Variants in ZC3H12B observed in about 807,000 individuals in gnomAD.
ZC3H12B encodes zinc finger CCCH-type containing 12B.
ZC3H12B carries 7 observed loss-of-function variants against 43.9 expected under a neutral mutation model. The ratio of observed to expected loss-of-function variants is 0.16; its 90% CI spans 0.09 to 0.30. The LOEUF is 0.30. Ranked by LOEUF, ZC3H12B falls within the 10% of genes least tolerant of loss-of-function variation. ZC3H12B has a pLI of 1.00. For synonymous variants in ZC3H12B, 222 were observed against 241.7 expected (o/e 0.92, Z 0.76); for missense variants, 475 against 670.2 (o/e 0.71, Z 3.22).
the ZC3H12B span, among the ~76,000 whole-genome samples, chrX:65,153,230 A>G: frequency 8.9e-6 from 1 of 112,071 alleles, no homozygotes; most frequent in African/African-American, 3.2e-5. Flanking sequence ...AAAATTGACA[A>G]ATGGGATCTA....
chrX:65,043,280 G>A, the ZC3H12B span, among the ~76,000 whole-genome samples: 1 of 110,273 alleles, frequency 9.1e-6, no homozygotes, highest in Non-Finnish European at 1.9e-5. Flanking sequence ...ACTATATGAA[G>A]ACACATGTAT....
chrX:65,172,194 G>A, the ZC3H12B span, among the ~76,000 whole-genome samples: 7 of 112,371 alleles, frequency 6.2e-5, no homozygotes, highest in South Asian at 7.3e-4. Context: ...CAGTGATGAC[G>A]ATCTTTTTTT....
At chrX:65,127,187 G>A in the ZC3H12B span, among the ~76,000 whole-genome samples, 1 of 111,540 alleles carries the variant, frequency 9.0e-6, no homozygotes, top group African/African-American at 3.3e-5. Context: ...TTTTCCCACA[G>A]GGTGCTCCCT....
chrX:65,040,898 C>T, the ZC3H12B span, among the ~76,000 whole-genome samples: 1 of 111,098 alleles, frequency 9.0e-6, no homozygotes, highest in East Asian at 2.9e-4. Context: ...GATCCTCCCA[C>T]CTCAGCCTCC....
At chrX:65,388,478 G>C (rs192072388) in intron 2 of ZC3H12B, among the ~76,000 whole-genome samples, 2 of 111,980 alleles carry the variant, frequency 1.8e-5, no homozygotes, top group East Asian at 5.6e-4. Flanking sequence ...TCGTGCCTTG[G>C]TATTCAGCTC....
At chrX:65,119,960 T>C in the ZC3H12B span, among the ~76,000 whole-genome samples, 1 of 111,783 alleles carries the variant, frequency 8.9e-6, no homozygotes, top group African/African-American at 3.3e-5. Context: ...TGGTTGTAGA[T>C]AAGTGGCATT....
chrX:65,190,805 A>G, the ZC3H12B span, among the ~76,000 whole-genome samples: 14 of 104,541 alleles, frequency 1.3e-4, no homozygotes, highest in South Asian at 1.7e-3. Flanking sequence ...TCTCCTGCCT[A>G]ATTGCCCTGG....
At chrX:65,343,209 CA>C in the ZC3H12B span, among the ~76,000 whole-genome samples, 2 of 110,697 alleles carry the variant, frequency 1.8e-5, no homozygotes, top group African/African-American at 6.6e-5. Context: ...AAATAAAGCC[CA>C]ATACCATACT....
the ZC3H12B span, among the ~76,000 whole-genome samples, chrX:65,151,855 C>T: frequency 8.9e-6 from 1 of 111,775 alleles, no homozygotes; most frequent in South Asian, 3.8e-4. Flanking sequence ...AAACTGAATT[C>T]AACAGCACAT....
At chrX:65,216,911 C>A in the ZC3H12B span, among the ~76,000 whole-genome samples, 1 of 111,708 alleles carries the variant, frequency 9.0e-6, no homozygotes, top group African/African-American at 3.3e-5. Flanking sequence ...TTACCATGTG[C>A]CGACTAAAAT....
chrX:65,164,007 G>C, the ZC3H12B span, among the ~76,000 whole-genome samples: 2 of 111,623 alleles, frequency 1.8e-5, no homozygotes, highest in African/African-American at 3.3e-5. Context: ...ACTACCTGTC[G>C]TTATAGCCTG....
At chrX:65,288,365 G>T in the ZC3H12B span, among the ~76,000 whole-genome samples, 1 of 111,376 alleles carries the variant, frequency 9.0e-6, no homozygotes, top group Non-Finnish European at 1.9e-5. Flanking sequence ...AAAGAAAACT[G>T]CAGGCCAATA....
At chrX:65,069,214 C>T in the ZC3H12B span, among the ~76,000 whole-genome samples, 2 of 105,945 alleles carry the variant, frequency 1.9e-5, no homozygotes, top group Non-Finnish European at 3.9e-5. Flanking sequence ...AATCAACTTT[C>T]TTCTGCTGTC....
the ZC3H12B span, among the ~76,000 whole-genome samples, chrX:65,122,729 G>A: frequency 9.0e-6 from 1 of 111,201 alleles, no homozygotes; most frequent in Non-Finnish European, 1.9e-5. Flanking sequence ...GGCAGGGGTT[G>A]CAATCCTAGT....
intron 3 of ZC3H12B, among the ~76,000 whole-genome samples, chrX:65,481,984 C>T (rs1317640026): frequency 3.4e-4 from 38 of 111,307 alleles, no homozygotes; most frequent in Admixed American, 3.0e-3. Context: ...CTGCAGCTAC[C>T]CCTCAGAATT....
chrX:65,439,347 G>T (rs1263681045), intron 3 of ZC3H12B, among the ~76,000 whole-genome samples: 1 of 111,689 alleles, frequency 9.0e-6, no homozygotes, highest in Admixed American at 9.5e-5. Flanking sequence ...TTACCATTTT[G>T]TTCAGATCAT....
exon 4 of ZC3H12B, chrX:65,499,978 C>T (rs1279090580): frequency 8.3e-7 from 1 of 1,202,876 alleles, no homozygotes; most frequent in Non-Finnish European, 1.1e-6. Context: ...AAGAAGCAAC[C>T]ATGTCCTTAT....
chrX:65,383,260 G>T (rs1272694419), intron 2 of ZC3H12B, among the ~76,000 whole-genome samples: 1 of 111,713 alleles, frequency 9.0e-6, no homozygotes, highest in Non-Finnish European at 1.9e-5. Flanking sequence ...CAGAGATATA[G>T]ATCAATGGAA....
chrX:65,274,614 C>T, the ZC3H12B span, among the ~76,000 whole-genome samples: 2 of 108,866 alleles, frequency 1.8e-5, no homozygotes, highest in African/African-American at 6.7e-5. Context: ...CTACCTAACC[C>T]CAAGCAGAAG....
Sources: gnomAD v4.1 joint callset for allele counts (sites outside exome capture counted in the v4.1 genomes callset) on GRCh38, gnomAD v4.1.1 for gene constraint, MANE v1.5 for transcripts, NCBI Gene and HGNC (gene_info 2026-07-23, HGNC 2026-07-21) for gene names.